The following LMNTD2 variants were observed in gnomAD, a reference collection of about 807,000 sequenced individuals.
The protein encoded by LMNTD2 is lamin tail domain containing 2.
In LMNTD2, 83 loss-of-function variants were observed where a neutral mutation model predicts 70.1. The ratio of observed to expected loss-of-function variants is 1.18; its 90% CI spans 0.99 to 1.42. The LOEUF is 1.42. Among genes scored for constraint, LMNTD2 ranks in the 40% most tolerant of loss-of-function variants. The pLI is 0.00. For synonymous variants in LMNTD2, 534 were observed against 406.1 expected, an observed-to-expected ratio of 1.31 and a Z score of -3.79; for missense variants, 1,153 against 905.9, an observed-to-expected ratio of 1.27 and a Z score of -3.50.
rs1160211165 is a variant in LMNTD2, at chr11:556,491, C to T, written c.1073+1G>A. ...GGAGGCTTGGGTCACTCGCCCCTTACCTCTGCAGGAGTTCCGGGCTCCAGT... is the reference window on the plus strand; with the variant it reads ...GGAGGCTTGGGTCACTCGCCCCTTATCTCTGCAGGAGTTCCGGGCTCCAGT... On this transcript the variant is annotated splice_donor_variant, in intron 9 of 13. Transcript: ENST00000329451. LOFTEE classifies it high-confidence loss of function. 8 of 1,551,044 alleles carry T rather than the reference C, an allele frequency of 5.2e-6. No individual in the cohort carries two copies. Among genetic ancestry groups the T allele is most frequent in the African/African-American group, 1.4e-5 (1 of 73,228 alleles).
At chr11:559,249 T>C (rs1853122551) in intron 1 of LMNTD2, 2 of 1,493,000 alleles carry the variant, frequency 1.3e-6, no homozygotes, top group Non-Finnish European at 1.8e-6. Context: ...CCCTGGCGTG[T>C]ACCCCTGCCA....
chr11:558,795 C>T (rs1310651826), intron 2 of LMNTD2, 29 bp from the exon 3 acceptor site: 3 of 1,599,614 alleles, frequency 1.9e-6, no homozygotes, highest in Non-Finnish European at 2.6e-6. Flanking sequence ...CTGCTGCTTA[C>T]TCAGGCCGGC....
intron 13 of LMNTD2, 23 bp downstream of exon 13, chr11:555,282 C>A: frequency 1.5e-6 from 2 of 1,366,632 alleles, no homozygotes; most frequent in Non-Finnish European, 1.9e-6. Context: ...GAGGAGGGGG[C>A]GCACCCGCAA....
chr11:558,285 T>C (rs201774472), intron 3 of LMNTD2, 37 bp from the exon 4 acceptor site: 112 of 1,592,686 alleles, frequency 7.0e-5, no homozygotes, highest in Middle Eastern at 1.7e-4. Flanking sequence ...CCCACCCTGC[T>C]CAGGCAGGGG....
intron 7 of LMNTD2, 110 bp from the exon 8 acceptor site, chr11:557,207 C>T: frequency 6.9e-7 from 1 of 1,450,724 alleles, no homozygotes; most frequent in Admixed American, 2.2e-5. Flanking sequence ...TCCCAGTACC[C>T]AGGCTCAGTT....
chr11:559,540 G>A lies in LMNTD2; in HGVS notation c.35-561C>T, dbSNP rs189474789. On this transcript the variant is annotated intron_variant, in intron 1 of 13. Coordinates refer to ENST00000329451, the MANE Select transcript of LMNTD2 (RefSeq NM_173573.3). ...AGGCTGAGCCACTGCTCAGCTTAGC[G>A]GGGGGACCACTTAGTGACCAACACC... is the stretch of plus-strand genomic sequence containing the variant. The A allele has an allele frequency of 3.5e-5, 43 of 1,229,670 alleles. 1 individual carries two copies. In the East Asian group the frequency reaches 1.3e-3, roughly 36 times the overall value. 76.2% of individuals were successfully genotyped at this position (1,229,670 alleles called of 1,614,324 possible). A position where few individuals can be genotyped will look rare whatever the true frequency, so the allele number is the denominator to read the frequency against.
At chr11:559,907 C>T (rs1853167890) in intron 1 of LMNTD2, 1 of 324,556 alleles carries the variant, frequency 3.1e-6, no homozygotes, top group Non-Finnish European at 4.6e-6. Flanking sequence ...CTACAGGCAC[C>T]CGCCTCCACC....
rs1852721121 is a variant in LMNTD2, at chr11:555,157, G to GGGAGCGGCGA, written c.1774-47_1774-46insTCGCCGCTCC. The GGGAGCGGCGA allele has an allele frequency of 2.5e-5, 12 of 487,252 alleles. No individual in the cohort carries two copies. The East Asian group carries it at 4.9e-4, about 20-fold the overall frequency. The allele number at this position is 487,252 out of a possible 1,614,324, so 30.2% of individuals were successfully genotyped here. A position where few individuals can be genotyped will look rare whatever the true frequency, so the allele number is the denominator to read the frequency against. On this transcript the variant is annotated intron_variant, in intron 13 of 13. Transcript: ENST00000329451. The stretch of plus-strand genomic sequence containing the variant: ...GAGGCGCGCGGGGCGGGGCGGGGAC[G>GGGAGCGGCGA]GGAGGGGAGGGGAGGGGAGGAGAGG...
In LMNTD2 at chr11:556,816, G is replaced by C; in HGVS notation, c.976+19C>G. Reference sequence around the variant, plus strand: ...GAGGGTGGGTGAAGGGTAACCAGGGGAGACCCGCCCCACTGCACCTTCTGA... The same window carrying C: ...GAGGGTGGGTGAAGGGTAACCAGGGCAGACCCGCCCCACTGCACCTTCTGA... On this transcript the variant is annotated intron_variant, in intron 8 of 13. Transcript: ENST00000329451. 6.5e-7 allele frequency: 1 copy of C among 1,540,324 alleles called. No individual in the cohort carries two copies.
chr11:556,055 G>A lies in LMNTD2; in HGVS notation c.1318C>T (p.Pro440Ser). Residue 440 changes from proline (P) to serine (S), a missense_variant, in exon 11 of 14, where the codon CCC (proline) becomes TCC (serine). Pro to Ser is a moderately conservative substitution (Grantham distance 74). Transcript: ENST00000329451. ...KPLRASSSREPVPLLSIRGCA... is the reference protein window; with the variant it reads ...KPLRASSSRESVPLLSIRGCA... ...CCGCGGATGGAGAGGAGGGGAACGG[G>A]CTCCCGGCTCGAGGACGCGCGCAGC... The A allele has an allele frequency of 1.3e-6, 2 of 1,550,408 alleles. No individual in the cohort carries two copies. The highest frequency in any genetic ancestry group is 1.7e-6 in the Non-Finnish European group (2 of 1,159,004).
At chr11:559,499 C>G in intron 1 of LMNTD2, 1 of 1,283,814 alleles carries the variant, frequency 7.8e-7, no homozygotes. Context: ...CCAGCCCAGC[C>G]TGGAGGAGGT....
chr11:554,997 T>A lies in LMNTD2; in HGVS notation c.1888A>T (p.Thr630Ser). The part of the protein sequence containing the change: ...FLSCLPVTAD[T>S]CRGA ...CTCCGCCCCTAGGCGCCGCGGCAGG[T>A]GTCCGCGGTGACCGGCAGGCAGCTG... Residue 630 changes from threonine to serine, a missense_variant, in exon 14 of 14, where the codon ACC becomes TCC. Thr to Ser is a moderately conservative substitution (Grantham distance 58). Coordinates refer to ENST00000329451, the MANE Select transcript of LMNTD2 (RefSeq NM_173573.3). The A allele has an allele frequency of 1.3e-6, 2 of 1,586,010 alleles. No homozygotes were observed. The highest frequency in any genetic ancestry group is 1.7e-6 in the Non-Finnish European group (2 of 1,170,058).
At chr11:559,723 G>A (rs1003877969) in intron 1 of LMNTD2, 1 of 1,124,284 alleles carries the variant, frequency 8.9e-7, no homozygotes, top group South Asian at 2.1e-5. Flanking sequence ...AACGCTAACT[G>A]GCAATAGTAC....
At chr11:557,690 C>G (rs1368034889) in intron 5 of LMNTD2, 50 bp from the exon 6 acceptor site, 2 of 1,612,048 alleles carry the variant, frequency 1.2e-6, no homozygotes, top group African/African-American at 2.7e-5. Flanking sequence ...TGCTCCCCTA[C>G]AGCACCTCTC....
Position 558,889 on chromosome 11 carries a change from T to C in LMNTD2, c.125A>G (p.His42Arg), listed in dbSNP as rs1351537574. 4 of 1,609,708 alleles carry C rather than the reference T, an allele frequency of 2.5e-6. No individual in the cohort carries two copies. The highest frequency in any genetic ancestry group is 3.4e-6 in the Non-Finnish European group (4 of 1,178,440). ...TPTCLPDTTP[H>R]PAPVVCSADP... ...GGCAGAGCAGACCACCGGTGCGGGGTGGGGCGTGGTGTCTGGCAGGCACGT... is the reference window on the plus strand; with the variant it reads ...GGCAGAGCAGACCACCGGTGCGGGGCGGGGCGTGGTGTCTGGCAGGCACGT... The change falls in exon 2 of 14, where the codon CAC becomes CGC. Residue 42 changes from histidine to arginine, a missense_variant. His to Arg is a conservative substitution (Grantham distance 29, BLOSUM62 0). Transcript: ENST00000329451.
In LMNTD2 at chr11:558,895, G is replaced by T. The variant is rs776649974; in HGVS notation, c.119C>A (p.Thr40Lys). 4.3e-6 allele frequency: 7 copies of T among 1,611,176 alleles called. No individual in the cohort carries two copies. The highest frequency in any genetic ancestry group is 5.9e-6 in the Non-Finnish European group (7 of 1,179,316). Reference protein sequence around the residue: ...PETPTCLPDTTPHPAPVVCSA... With the variant: ...PETPTCLPDTKPHPAPVVCSA... Reference sequence around the variant, plus strand: ...GCAGACCACCGGTGCGGGGTGGGGCGTGGTGTCTGGCAGGCACGTGGGAGT... The same window carrying T: ...GCAGACCACCGGTGCGGGGTGGGGCTTGGTGTCTGGCAGGCACGTGGGAGT... Residue 40 changes from threonine to lysine, a missense_variant, in exon 2 of 14, where the codon ACG becomes AAG. Transcript: ENST00000329451.
chr11:560,545 G>C, intron 1 of LMNTD2, 138 bp downstream of exon 1: 1 of 1,279,510 alleles, frequency 7.8e-7, no homozygotes, highest in East Asian at 3.2e-5. Context: ...CGGGAAGCGA[G>C]GGGAGGGGCT....
intron 13 of LMNTD2, 36 bp downstream of exon 13, chr11:555,269 G>A (rs760615118): frequency 2.1e-5 from 28 of 1,350,520 alleles, no homozygotes; most frequent in Non-Finnish European, 2.7e-5. Flanking sequence ...GAACGAGGAG[G>A]GAGAGGAGGG....
chr11:556,440 C>T, intron 9 of LMNTD2, 52 bp downstream of exon 9: 1 of 1,547,222 alleles, frequency 6.5e-7, no homozygotes, highest in East Asian at 2.4e-5. Flanking sequence ...CGCGCCCCGC[C>T]CGGAAACCAG....
Sources: gnomAD v4.1 joint callset for allele counts on GRCh38, gnomAD v4.1.1 for gene constraint, MANE v1.5 for transcripts, NCBI Gene and HGNC (gene_info 2026-07-23, HGNC 2026-07-21) for gene names.